Variants in SERPINB12 observed in about 807,000 individuals in gnomAD.
SERPINB12 encodes the protein serpin B12.
A neutral mutation model predicts 41.1 loss-of-function variants in SERPINB12; 57 were observed. The ratio of observed to expected loss-of-function variants is 1.39; its 90% CI spans 1.12 to 1.73. SERPINB12 has a LOEUF of 1.73. Among genes scored for constraint, SERPINB12 ranks in the 40% most tolerant of loss-of-function variants. SERPINB12 has a pLI of 0.00. For missense variants in SERPINB12, 536 were observed against 501.9 expected, an observed-to-expected ratio of 1.07 and a Z score of -0.65; for synonymous variants, 180 against 181.3, an observed-to-expected ratio of 0.99 and a Z score of 0.06.
intron 1 of SERPINB12, among the ~76,000 whole-genome samples, chr18:63,549,408 T>C (rs1379115521): frequency 6.6e-6 from 1 of 152,214 alleles, no homozygotes; most frequent in Non-Finnish European, 1.5e-5. Flanking sequence ...AGTATTTGTA[T>C]TGATATAAAA....
At chr18:63,545,378 T>C (rs752095898) in intron 1 of SERPINB12, among the ~76,000 whole-genome samples, 8 of 152,174 alleles carry the variant, frequency 5.3e-5, no homozygotes, top group Non-Finnish European at 7.3e-5. Context: ...AAGTACCAAA[T>C]GCAGCTTGAC....
Position 63,561,031 on chromosome 18 carries a change from G to T in SERPINB12, c.445-54G>T. ...TCAGGAGAGTCTCACTCCTAACTAC[G>T]AGCATCACTGCCTGACTTTATTGCA... is the stretch of plus-strand genomic sequence containing the variant. On this transcript the variant is annotated intron_variant, in intron 4 of 7. Coordinates refer to ENST00000382768, the MANE Select transcript of SERPINB12 (RefSeq NM_001307928.2). The T allele has an allele frequency of 3.4e-6, 4 of 1,160,290 alleles. No individual in the cohort carries two copies. The East Asian group carries it at 7.1e-5, about 21-fold the overall frequency. 71.9% of individuals were successfully genotyped at this position (1,160,290 alleles called of 1,614,324 possible).
Position 63,566,613 on chromosome 18 carries a change from A to G in SERPINB12, c.880A>G (p.Arg294Gly). The change falls in exon 8 of 8, where the codon AGG becomes GGG. Residue 294 changes from arginine (R) to glycine (G), a missense_variant. Physicochemically the swap from Arg to Gly is moderately radical, Grantham distance 125. Coordinates refer to ENST00000382768, the MANE Select transcript of SERPINB12 (RefSeq NM_001307928.2). ...TATTTCCTTCCTCTTGTAGCTTGAA[A>G]GGAAAATCACCTATGAAAAAATGGT... ...DNLKGLEELE[R>G]KITYEKMVAW... 6.2e-7 allele frequency: 1 copy of G among 1,603,260 alleles called. No individual in the cohort carries two copies. Among genetic ancestry groups the G allele is most frequent in the Admixed American group, 1.7e-5 (1 of 57,632 alleles).
chr18:63,552,798 C>T (rs1183403480), intron 1 of SERPINB12, among the ~76,000 whole-genome samples: 1 of 152,090 alleles, frequency 6.6e-6, no homozygotes, highest in Non-Finnish European at 1.5e-5. Context: ...AACTGACTCA[C>T]CCCCACCCCC....
At chr18:63,554,571 T>A (rs1366622066) in intron 1 of SERPINB12, among the ~76,000 whole-genome samples, 4 of 152,098 alleles carry the variant, frequency 2.6e-5, no homozygotes, top group Admixed American at 2.6e-4. Context: ...ATACACAATA[T>A]CTATAGGCAA....
chr18:63,528,158 A>G, the SERPINB12 span, among the ~76,000 whole-genome samples: 1 of 152,166 alleles, frequency 6.6e-6, no homozygotes, highest in East Asian at 1.9e-4. Context: ...CCCCATAAAA[A>G]TGGACTAATA....
At chr18:63,523,621 C>G in the SERPINB12 span, among the ~76,000 whole-genome samples, 1 of 152,124 alleles carries the variant, frequency 6.6e-6, no homozygotes, top group Non-Finnish European at 1.5e-5. Flanking sequence ...CCTGAAATTG[C>G]CTGGATGCAA....
chr18:63,532,959 A>G, the SERPINB12 span, among the ~76,000 whole-genome samples: 20 of 152,226 alleles, frequency 1.3e-4, no homozygotes, highest in African/African-American at 4.8e-4. Context: ...TTTGGTACCT[A>G]GTAAGTACTC....
chr18:63,532,402 T>C, the SERPINB12 span, among the ~76,000 whole-genome samples: 7 of 152,326 alleles, frequency 4.6e-5, no homozygotes, highest in Admixed American at 4.6e-4. Flanking sequence ...CACCAGCTAG[T>C]TGACATCTTC....
chr18:63,563,898 A>G (rs1911000271), intron 5 of SERPINB12, 80 bp from the exon 6 acceptor site: 2 of 1,016,812 alleles, frequency 2.0e-6, no homozygotes, highest in Non-Finnish European at 2.6e-6. Flanking sequence ...CTCTGTCTCA[A>G]AAAAAAAAAA....
chr18:63,565,466 A>G lies in SERPINB12; in HGVS notation c.727A>G (p.Met243Val). 6.2e-7 allele frequency: 1 copy of G among 1,613,744 alleles called. No homozygotes were observed. ...LNANENKSVK[M>V]MTQKGLYRIG... Reference sequence around the variant, plus strand: ...ACAGAATGAAAACAAGAGTGTGAAGATGATGACGCAAAAAGGCCTCTACAG... The same window carrying G: ...ACAGAATGAAAACAAGAGTGTGAAGGTGATGACGCAAAAAGGCCTCTACAG... The change falls in exon 7 of 8, where the codon ATG becomes GTG. Residue 243 changes from methionine (M) to valine (V), a missense_variant. Met to Val is a conservative substitution (Grantham distance 21). Coordinates refer to ENST00000382768, the MANE Select transcript of SERPINB12 (RefSeq NM_001307928.2).
At chr18:63,536,241 C>T in the SERPINB12 span, among the ~76,000 whole-genome samples, 5 of 151,448 alleles carry the variant, frequency 3.3e-5, no homozygotes, top group Admixed American at 6.6e-5. Context: ...TAAAATCATA[C>T]GTTTTGAAAG....
chr18:63,566,542 A>G, intron 7 of SERPINB12, 65 bp from the exon 8 acceptor site: 1 of 1,448,522 alleles, frequency 6.9e-7, no homozygotes. Flanking sequence ...GGCACCTTGA[A>G]GTAATTGGGG....
At chr18:63,539,483 T>C (rs1910233665), upstream of SERPINB12, among the ~76,000 whole-genome samples, 2 of 152,154 alleles carry the variant, frequency 1.3e-5, no homozygotes, top group South Asian at 4.1e-4. Flanking sequence ...TCTAGATATA[T>C]GATATAGGGA....
At chr18:63,549,346 A>G (rs1910465559) in intron 1 of SERPINB12, among the ~76,000 whole-genome samples, 1 of 152,180 alleles carries the variant, frequency 6.6e-6, no homozygotes, top group African/African-American at 2.4e-5. Context: ...ACTTCATTAG[A>G]AGTTAAATCG....
chr18:63,536,131 ACAT>A, the SERPINB12 span, among the ~76,000 whole-genome samples: 1 of 151,900 alleles, frequency 6.6e-6, no homozygotes, highest in Non-Finnish European at 1.5e-5. Flanking sequence ...TATTCCCACA[ACAT>A]TCTATACATT....
At chr18:63,523,127 A>G in the SERPINB12 span, among the ~76,000 whole-genome samples, 29 of 152,176 alleles carry the variant, frequency 1.9e-4, no homozygotes, top group Non-Finnish European at 7.4e-5. Flanking sequence ...TTAGAACTTG[A>G]TTGTGGGGAA....
At chr18:63,560,331 G>A (rs1308647899) in intron 4 of SERPINB12, among the ~76,000 whole-genome samples, 1 of 152,172 alleles carries the variant, frequency 6.6e-6, no homozygotes, top group Non-Finnish European at 1.5e-5. Context: ...TAATAAATGT[G>A]GGGGATATGA....
upstream of SERPINB12, among the ~76,000 whole-genome samples, chr18:63,538,556 T>C (rs564877003): frequency 6.6e-6 from 1 of 152,348 alleles, no homozygotes; most frequent in African/African-American, 2.4e-5. Flanking sequence ...TATTCCATTG[T>C]GTGAATATAC....
Sources: gnomAD v4.1 joint callset for allele counts (sites outside exome capture counted in the v4.1 genomes callset) on GRCh38, gnomAD v4.1.1 for gene constraint, MANE v1.5 for transcripts, NCBI Gene and HGNC (gene_info 2026-07-23, HGNC 2026-07-21) for gene names.